NCOA2: variants seen among roughly 807,000 people sequenced by gnomAD.
The protein encoded by NCOA2 is class E basic helix-loop-helix protein 75.
Under a neutral mutation model 145.1 loss-of-function variants are expected in NCOA2, and 21 were observed. The observed-to-expected ratio is 0.14, with a 90% CI of 0.10 to 0.21. The LOEUF (loss-of-function observed/expected upper bound fraction) is 0.21. NCOA2 is among the 10% of genes least tolerant of loss of function. The pLI is 1.00. For synonymous variants in NCOA2, 619 were observed against 637.5 expected, an observed-to-expected ratio of 0.97 and a Z score of 0.44; for missense variants, 1,472 against 1,837.6, an observed-to-expected ratio of 0.80 and a Z score of 3.64.
chr8:70,442,116 G>GAAGAAAGAAAGAAAGAAAGAAAGAAAGA, the NCOA2 span, among the ~76,000 whole-genome samples: 268 of 82,420 alleles, frequency 3.3e-3, 3 homozygotes, highest in Middle Eastern at 0.02. Context: ...GAGAAAGAAA[G>GAAGAAAGAAAGAAAGAAAGAAAGAAAGA]AAGAAAGAAA....
intron 1 of NCOA2, 55 bp downstream of exon 1, chr8:70,403,645 C>A (rs1447162724): frequency 5.6e-6 from 2 of 356,038 alleles, no homozygotes. Context: ...CGGCGCCCCC[C>A]GCCTGCCGCC....
intron 22 of NCOA2, among the ~76,000 whole-genome samples, chr8:70,115,591 A>G (rs1356445860): frequency 1.3e-5 from 2 of 152,204 alleles, no homozygotes; most frequent in Non-Finnish European, 2.9e-5. Flanking sequence ...CACTATCACC[A>G]TCATCATCAA....
intron 4 of NCOA2, among the ~76,000 whole-genome samples, chr8:70,202,926 C>T (rs982838727): frequency 6.6e-6 from 1 of 152,160 alleles, no homozygotes; most frequent in African/African-American, 2.4e-5. Context: ...GGCGCGGTAG[C>T]TTATGCCTAT....
chr8:70,118,997 T>G (rs974490440), intron 22 of NCOA2, among the ~76,000 whole-genome samples: 1 of 152,026 alleles, frequency 6.6e-6, no homozygotes, highest in African/African-American at 2.4e-5. Context: ...CAGGAGAGGA[T>G]TTTTTATTTT....
the NCOA2 span, among the ~76,000 whole-genome samples, chr8:70,425,745 G>T: frequency 6.6e-6 from 1 of 152,114 alleles, no homozygotes; most frequent in African/African-American, 2.4e-5. Flanking sequence ...CAGACAGAAC[G>T]CAAGGGAGAA....
At chr8:70,361,691 C>G (rs959427683) in intron 1 of NCOA2, among the ~76,000 whole-genome samples, 1 of 152,200 alleles carries the variant, frequency 6.6e-6, no homozygotes, top group Non-Finnish European at 1.5e-5. Flanking sequence ...TAGAACCAAC[C>G]TGTTCCATTA....
the NCOA2 span, among the ~76,000 whole-genome samples, chr8:70,431,286 C>G: frequency 6.6e-6 from 1 of 152,090 alleles, no homozygotes; most frequent in African/African-American, 2.4e-5. Flanking sequence ...GGAGGGTTCG[C>G]TTTTGCATTT....
rs1825958418 is a variant in NCOA2 at position 70,282,508 on chromosome 8, AAACC to A, written c.-20+14232_-20+14235del. Among the ~76,000 whole-genome samples the A allele has an allele frequency of 3.3e-5, 5 of 152,270 alleles. No homozygotes were observed. In the South Asian group the frequency reaches 1.0e-3, roughly 32 times the overall value. On this transcript the variant is annotated intron_variant, in intron 2 of 22. Transcript: ENST00000452400. ...CAAGACCAGCCTGGTCAACATGGTG[AAACC>A]CCATCTCTACCAAAAATACAAAAAA...
intron 4 of NCOA2, among the ~76,000 whole-genome samples, chr8:70,198,298 A>G (rs917832365): frequency 1.3e-5 from 2 of 152,192 alleles, no homozygotes; most frequent in African/African-American, 4.8e-5. Flanking sequence ...CATTTGATCT[A>G]AAAGTGGCAC....
Position 70,128,821 on chromosome 8 carries a change from G to A in NCOA2, c.3484C>T (p.Arg1162Trp), listed in dbSNP as rs774194605. The A allele has an allele frequency of 1.9e-6, 3 of 1,614,036 alleles. No homozygotes were observed. Among genetic ancestry groups the A allele is most frequent in the Admixed American group, 1.7e-5 (1 of 60,032 alleles). ...QDPNFHTMGQ[R>W]PSYATLRMQP... ...ATACGGAGTGTGGCATAACTAGGCC[G>A]CTGTCCCATGGTGTGAAAGTTTGGA... is the stretch of plus-strand genomic sequence containing the variant. The change falls in exon 17 of 23, where the codon CGG becomes TGG. Residue 1162 changes from arginine (R) to tryptophan (W), a missense_variant. By Grantham distance (101) the Arg-to-Trp change is moderately radical. This residue lies in a region of NCOA2 where 953 missense variants were observed against 1,062.1 expected (regional missense o/e 0.90). Transcript: ENST00000452400.
At chr8:70,321,090 C>G (rs1453911175) in intron 1 of NCOA2, among the ~76,000 whole-genome samples, 1 of 152,128 alleles carries the variant, frequency 6.6e-6, no homozygotes, top group Non-Finnish European at 1.5e-5. Flanking sequence ...TTTCTGAGCT[C>G]CAAATTAACT....
intron 2 of NCOA2, among the ~76,000 whole-genome samples, chr8:70,292,216 G>T (rs1826748541): frequency 1.3e-5 from 2 of 151,906 alleles, no homozygotes. Flanking sequence ...GCGGTGGCGT[G>T]ATCTCGGCTC....
the NCOA2 span, among the ~76,000 whole-genome samples, chr8:70,415,142 A>G: frequency 2.0e-5 from 3 of 152,130 alleles, no homozygotes; most frequent in Middle Eastern, 6.8e-3. Flanking sequence ...CATCTCTACA[A>G]AAAACTTTCT....
Position 70,321,126 on chromosome 8 carries a change from A to G in NCOA2, c.-76-24326T>C, listed in dbSNP as rs186100785. On this transcript the variant is annotated intron_variant, in intron 1 of 22. Coordinates refer to ENST00000452400, the MANE Select transcript of NCOA2 (RefSeq NM_006540.4). ...TTGGGATTTTCTTCTAGGCCCCTGG[A>G]AAGCCTCAATGGGTTTTCTATTGTT... Among the ~76,000 whole-genome samples, 511 of 152,280 alleles carry G rather than the reference A, an allele frequency of 3.4e-3. 3 individuals carry two copies. Among genetic ancestry groups the G allele is most frequent in the African/African-American group, 0.011 (471 of 41,556 alleles).
the NCOA2 span, among the ~76,000 whole-genome samples, chr8:70,443,583 C>A: frequency 6.6e-6 from 1 of 152,072 alleles, no homozygotes; most frequent in South Asian, 2.1e-4. Flanking sequence ...TGTTTAGAGA[C>A]AAAGTCTTAC....
In NCOA2 at chr8:70,118,956, G is replaced by A; in HGVS notation, c.4383+2346C>T. 2.6e-5 allele frequency among the ~76,000 whole-genome samples: 4 copies of A among 152,138 alleles called. No individual in the cohort carries two copies. The East Asian group carries it at 5.8e-4, about 22-fold the overall frequency. On this transcript the variant is annotated intron_variant, in intron 22 of 22. Transcript: ENST00000452400. ...ATCCGCCTCAGCCTCCGAAAGTGTT[G>A]GGATTACAGGCTTGAGCCACTGCAC... is the stretch of plus-strand genomic sequence containing the variant.
chr8:70,250,517 C>T (rs1823071469), intron 2 of NCOA2, among the ~76,000 whole-genome samples: 10 of 151,780 alleles, frequency 6.6e-5, no homozygotes, highest in Admixed American at 6.6e-4. Flanking sequence ...ATGCAGTGAG[C>T]TGAGATTGTG....
intron 1 of NCOA2, among the ~76,000 whole-genome samples, chr8:70,383,631 G>A (rs1013666309): frequency 2.1e-4 from 32 of 151,986 alleles, no homozygotes; most frequent in Admixed American, 1.9e-3. Flanking sequence ...TCAGCCTCCC[G>A]AGTAGCTGGG....
At chr8:70,329,661 C>G (rs994958653) in intron 1 of NCOA2, among the ~76,000 whole-genome samples, 1 of 151,824 alleles carries the variant, frequency 6.6e-6, no homozygotes, top group East Asian at 1.9e-4. Flanking sequence ...GAAAGTGACC[C>G]AAATGTTGAT....
Sources: allele counts gnomAD v4.1 joint callset (sites outside exome capture counted in the v4.1 genomes callset), GRCh38; gene constraint gnomAD v4.1.1; regional missense constraint gnomAD v4.1.1; transcripts MANE v1.5; gene names NCBI Gene and HGNC (gene_info 2026-07-23, HGNC 2026-07-21).